The following GMDS variants were observed in gnomAD, a reference collection of about 807,000 sequenced individuals.
GMDS encodes GDP-mannose 4,6-dehydratase, also known as GDP-mannose 4,6 dehydratase.
Under a neutral mutation model 49.9 loss-of-function variants are expected in GMDS, and 20 were observed. That is an observed-to-expected ratio of 0.40 (90% CI 0.28 to 0.58). The LOEUF (loss-of-function observed/expected upper bound fraction) is 0.58, where lower values mean the gene tolerates loss of function less well. Ranked by LOEUF, GMDS falls within the 20% of genes least tolerant of loss-of-function variation. The probability of loss-of-function intolerance (pLI) is 0.42; values close to 1 mark genes in which losing one functional copy is unlikely to be tolerated. For missense variants in GMDS, 362 were observed against 481.4 expected, an observed-to-expected ratio of 0.75 and a Z score of 2.32; for synonymous variants, 177 against 178.6, an observed-to-expected ratio of 0.99 and a Z score of 0.07.
intron 7 of GMDS, among the ~76,000 whole-genome samples, chr6:1,915,606 A>G (rs755070847): frequency 3.9e-5 from 6 of 152,210 alleles, no homozygotes; most frequent in Admixed American, 6.5e-5. Context: ...TCTGTATCTC[A>G]GAAAGGCGAC....
intron 9 of GMDS, among the ~76,000 whole-genome samples, chr6:1,686,223 C>T (rs1764971831): frequency 6.6e-6 from 1 of 152,236 alleles, no homozygotes; most frequent in South Asian, 2.1e-4. Context: ...GACGCGGCCT[C>T]TTTCCCGCAC....
At chr6:2,057,110 C>G (rs1048227029) in intron 4 of GMDS, among the ~76,000 whole-genome samples, 7 of 152,294 alleles carry the variant, frequency 4.6e-5, no homozygotes, top group Non-Finnish European at 8.8e-5. Context: ...ACCTCGGTGA[C>G]AAACACTGAA....
At chr6:1,727,894 C>T (rs746101397) in intron 8 of GMDS, among the ~76,000 whole-genome samples, 2 of 152,156 alleles carry the variant, frequency 1.3e-5, no homozygotes, top group Non-Finnish European at 2.9e-5. Context: ...AGCTGTACAA[C>T]TGGTCATTTC....
chr6:1,923,494 T>C (rs1761831231), intron 7 of GMDS, among the ~76,000 whole-genome samples: 1 of 152,202 alleles, frequency 6.6e-6, no homozygotes, highest in African/African-American at 2.4e-5. Context: ...CACACGAAGA[T>C]TGCTCCTGCT....
At chr6:2,187,779 A>G (rs1778843603) in intron 1 of GMDS, among the ~76,000 whole-genome samples, 1 of 152,250 alleles carries the variant, frequency 6.6e-6, no homozygotes, top group Non-Finnish European at 1.5e-5. Context: ...GAGAAAATGA[A>G]GAAAGGTTTT....
At chr6:1,779,133 G>C (rs571220013) in intron 7 of GMDS, among the ~76,000 whole-genome samples, 1 of 152,118 alleles carries the variant, frequency 6.6e-6, no homozygotes, top group Non-Finnish European at 1.5e-5. Context: ...CTCTGGGTAC[G>C]AGGACAGCCT....
intron 9 of GMDS, among the ~76,000 whole-genome samples, chr6:1,668,379 T>C (rs925128253): frequency 4.6e-5 from 7 of 152,156 alleles, no homozygotes; most frequent in African/African-American, 1.4e-4. Flanking sequence ...TTATAAACTG[T>C]AGATTATAAA....
chr6:1,841,673 G>A (rs147659557), intron 7 of GMDS, among the ~76,000 whole-genome samples: 23 of 152,276 alleles, frequency 1.5e-4, no homozygotes, highest in African/African-American at 5.1e-4. Context: ...TAGTGTCACT[G>A]CTATAGAAAT....
At chr6:2,001,954 C>A (rs1238430039) in intron 4 of GMDS, among the ~76,000 whole-genome samples, 2 of 152,082 alleles carry the variant, frequency 1.3e-5, no homozygotes, top group Non-Finnish European at 2.9e-5. Flanking sequence ...TATTTGCCAC[C>A]AATTCCTTTT....
At chr6:1,917,883 A>T (rs1761483677) in intron 7 of GMDS, among the ~76,000 whole-genome samples, 1 of 152,212 alleles carries the variant, frequency 6.6e-6, no homozygotes, top group African/African-American at 2.4e-5. Flanking sequence ...GAACAGGGAT[A>T]TGTCGTCTGA....
chr6:1,708,595 G>T (rs991011938), intron 9 of GMDS, among the ~76,000 whole-genome samples: 17 of 152,238 alleles, frequency 1.1e-4, no homozygotes, highest in African/African-American at 4.1e-4. Flanking sequence ...CTTGGGAAAA[G>T]CAGGTTTGGG....
At chr6:2,039,920 T>C (rs1000058795) in intron 4 of GMDS, among the ~76,000 whole-genome samples, 1 of 152,224 alleles carries the variant, frequency 6.6e-6, no homozygotes, top group Non-Finnish European at 1.5e-5. Flanking sequence ...CATAACTGTA[T>C]GCGCTAGACT....
chr6:2,155,618 A>G lies in GMDS; in HGVS notation c.103-30887T>C, dbSNP rs564942632. On this transcript the variant is annotated intron_variant, in intron 1 of 10. Transcript: ENST00000380815. The stretch of plus-strand genomic sequence containing the variant: ...GTACCAAGCAGCAGATAAGAATATA[A>G]TTGTTTTAAATTTTTCAAATTCAGG... Among the ~76,000 whole-genome samples the G allele has an allele frequency of 3.9e-5, 6 of 152,262 alleles. No homozygotes were observed. The South Asian group carries it at 1.2e-3, about 32-fold the overall frequency.
chr6:1,759,646 G>C (rs6914704), intron 7 of GMDS, among the ~76,000 whole-genome samples: 77,020 of 152,038 alleles, frequency 0.51, 19,811 homozygotes, highest in East Asian at 0.66. Context: ...GAACAGACAG[G>C]GAAGACACTG....
At chr6:1,655,363 T>C (rs902147915) in intron 9 of GMDS, among the ~76,000 whole-genome samples, 1 of 152,188 alleles carries the variant, frequency 6.6e-6, no homozygotes, top group Non-Finnish European at 1.5e-5. Context: ...CTAAGGCTAC[T>C]CACTAAGCTA....
intron 9 of GMDS, among the ~76,000 whole-genome samples, chr6:1,656,954 C>CT: frequency 6.6e-6 from 1 of 152,156 alleles, no homozygotes; most frequent in Non-Finnish European, 1.5e-5. Context: ...AGACTGAAGT[C>CT]TGGCGCCAAG....
intron 1 of GMDS, among the ~76,000 whole-genome samples, chr6:2,186,718 C>G (rs1778794304): frequency 6.6e-6 from 1 of 152,220 alleles, no homozygotes; most frequent in African/African-American, 2.4e-5. Context: ...ACCACCTACA[C>G]AGTTTCGCTT....
At chr6:1,851,118 T>C (rs1012050368) in intron 7 of GMDS, among the ~76,000 whole-genome samples, 3 of 152,012 alleles carry the variant, frequency 2.0e-5, no homozygotes, top group African/African-American at 4.8e-5. Flanking sequence ...ACTGGAGAGG[T>C]TGTGGACGGG....
intron 1 of GMDS, among the ~76,000 whole-genome samples, chr6:2,204,237 A>AT (rs973992558): frequency 2.0e-5 from 3 of 151,950 alleles, no homozygotes; most frequent in Non-Finnish European, 2.9e-5. Flanking sequence ...GGTAGAGTTA[A>AT]TTTTTTTACC....
Sources: gnomAD v4.1 joint callset for allele counts (sites outside exome capture counted in the v4.1 genomes callset) on GRCh38, gnomAD v4.1.1 for gene constraint, MANE v1.5 for transcripts, NCBI Gene and HGNC (gene_info 2026-07-23, HGNC 2026-07-21) for gene names.